The following WDHD1 variants were observed in gnomAD, a reference collection of about 807,000 sequenced individuals.
The protein encoded by WDHD1 is WD repeat and HMG-box DNA-binding protein 1.
Under a neutral mutation model 135.4 loss-of-function variants are expected in WDHD1, and 111 were observed. The ratio of observed to expected loss-of-function variants is 0.82; its 90% CI spans 0.70 to 0.96. The LOEUF (loss-of-function observed/expected upper bound fraction) is 0.96, where lower values mean the gene tolerates loss of function less well. WDHD1 is among the 40% of genes least tolerant of loss of function. The pLI is 0.00. For missense variants in WDHD1, 1,351 were observed against 1,336.3 expected (o/e 1.01, Z -0.17); for synonymous variants, 434 against 439.0 (o/e 0.99, Z 0.14).
At position 54,987,149 on chromosome 14, in the gene WDHD1, T is replaced by C. The variant is rs767078751; in HGVS notation, c.1765A>G (p.Arg589Gly). Residue 589 changes from arginine (R) to glycine (G), a missense_variant, in exon 14 of 26, where the codon AGA (arginine) becomes GGA (glycine). Coordinates refer to ENST00000360586, the MANE Select transcript of WDHD1 (RefSeq NM_007086.4). ...TAAAAGACTGAAAAAAATCTACCTC[T>C]GTGATAAACAATGAAAAGCTGTTCT... ...HGEQLFIVYHRGTGFDGDQCL... is the reference protein window; with the variant it reads ...HGEQLFIVYHGGTGFDGDQCL... 6.2e-7 allele frequency: 1 copy of C among 1,613,736 alleles called. No homozygotes were observed. Among genetic ancestry groups the C allele is most frequent in the Admixed American group, 1.7e-5 (1 of 59,952 alleles).
chr14:55,007,209 CAG>C, intron 7 of WDHD1, 69 bp downstream of exon 7: 1 of 1,186,558 alleles, frequency 8.4e-7, no homozygotes, highest in African/African-American at 1.7e-5. Context: ...GCATGGGAGA[CAG>C]AGTGAGACTC....
At chr14:54,953,282 AAAAC>A (rs1274559973) in intron 24 of WDHD1, among the ~76,000 whole-genome samples, 1 of 152,152 alleles carries the variant, frequency 6.6e-6, no homozygotes, top group Non-Finnish European at 1.5e-5. Context: ...TTACAAGAAA[AAAAC>A]AAACCCAATC....
rs568945303 is a variant in WDHD1 at position 55,024,176 on chromosome 14, A to G, written c.77+2535T>C. On this transcript the variant is annotated intron_variant, in intron 2 of 25. Transcript: ENST00000360586. Reference sequence around the variant, plus strand: ...CAAATTCATGTTAAGGGTCAATTGTATATTTCTATCTCTAGCTCACATTTT... The same window carrying G: ...CAAATTCATGTTAAGGGTCAATTGTGTATTTCTATCTCTAGCTCACATTTT... 6.6e-5 allele frequency among the ~76,000 whole-genome samples: 10 copies of G among 152,358 alleles called. No homozygotes were observed. In the East Asian group the frequency reaches 1.7e-3, roughly 26 times the overall value.
intron 23 of WDHD1, among the ~76,000 whole-genome samples, chr14:54,955,895 C>CTT (rs71131243): frequency 0.16 from 17,181 of 109,932 alleles, 1,746 homozygotes; most frequent in Non-Finnish European, 0.17. Flanking sequence ...CCATGTTTTC[C>CTT]TTTTTTTTTT....
rs1463330858 is a variant in WDHD1, at chr14:54,939,088, G to A, written c.*2402C>T. 1.3e-5 allele frequency: 2 copies of A among 152,130 alleles called. No homozygotes were observed. The highest frequency in any genetic ancestry group is 1.3e-4 in the Admixed American group (2 of 15,276). 9.4% of individuals were successfully genotyped at this position (152,130 alleles called of 1,614,324 possible). A position where few individuals can be genotyped will look rare whatever the true frequency, so the allele number is the denominator to read the frequency against. On this transcript the variant is annotated 3_prime_UTR_variant, in exon 26 of 26. Transcript: ENST00000360586. Reference sequence around the variant, plus strand: ...ATGTCAACAATAAGACAAACTAGAGGAAGGATATACAGGTGCTTACTGTCA... The same window carrying A: ...ATGTCAACAATAAGACAAACTAGAGAAAGGATATACAGGTGCTTACTGTCA...
At position 54,939,141 on chromosome 14, in the gene WDHD1, G is replaced by A. The variant is rs2040805000; in HGVS notation, c.*2349C>T. On this transcript the variant is annotated 3_prime_UTR_variant, in exon 26 of 26. Coordinates refer to ENST00000360586, the MANE Select transcript of WDHD1 (RefSeq NM_007086.4). ...TTTCAAATTTTCTGTAGGTTTGAGA[G>A]ATTCAAGATGAAAACTTGGGGGAAA... 1 of 152,166 alleles carries A rather than the reference G, an allele frequency of 6.6e-6. No homozygotes were observed. Among genetic ancestry groups the A allele is most frequent in the South Asian group, 2.1e-4 (1 of 4,830 alleles). 9.4% of individuals were successfully genotyped at this position (152,166 alleles called of 1,614,324 possible). A position where few individuals can be genotyped will look rare whatever the true frequency, so the allele number is the denominator to read the frequency against.
chr14:54,964,543 G>A (rs551634683), intron 18 of WDHD1, among the ~76,000 whole-genome samples: 1 of 152,142 alleles, frequency 6.6e-6, no homozygotes, highest in South Asian at 2.1e-4. Context: ...GGAGGCTGAG[G>A]CAGGAGAATG....
chr14:54,962,651 G>A (rs2041270717), intron 20 of WDHD1, 87 bp downstream of exon 20: 3 of 1,537,198 alleles, frequency 2.0e-6, no homozygotes, highest in East Asian at 4.5e-5. Flanking sequence ...AAAAGTATGA[G>A]TATTCAATTT....
intron 2 of WDHD1, among the ~76,000 whole-genome samples, chr14:55,026,213 T>TA (rs1161376018): frequency 1.3e-5 from 2 of 151,938 alleles, no homozygotes; most frequent in African/African-American, 4.8e-5. Flanking sequence ...AATCGAGCAG[T>TA]AGTGCGTAAG....
In WDHD1 at chr14:54,984,709, C is replaced by T. The variant is rs558126312; in HGVS notation, c.1906+14G>A. ...TTATATTATACTTGTTTTTTTTAAA[C>T]AAATTTATCTTGCCTTCAGCTGAAA... On this transcript the variant is annotated intron_variant, in intron 15 of 25. Transcript: ENST00000360586. The T allele has an allele frequency of 2.5e-6, 4 of 1,584,336 alleles. No homozygotes were observed. The East Asian group carries it at 6.7e-5, about 27-fold the overall frequency.
At chr14:55,024,364 TG>T (rs1334438003) in intron 2 of WDHD1, among the ~76,000 whole-genome samples, 3 of 152,240 alleles carry the variant, frequency 2.0e-5, no homozygotes, top group African/African-American at 7.2e-5. Context: ...TATTTGCAAG[TG>T]GAAGCATCAC....
At chr14:54,944,043 G>C (rs1214351300) in intron 25 of WDHD1, among the ~76,000 whole-genome samples, 2 of 151,548 alleles carry the variant, frequency 1.3e-5, no homozygotes, top group Admixed American at 6.6e-5. Flanking sequence ...TCTTTAAAAA[G>C]TTTGGTGGAT....
At chr14:54,961,271 T>C (rs1055622624) in intron 21 of WDHD1, among the ~76,000 whole-genome samples, 1 of 151,960 alleles carries the variant, frequency 6.6e-6, no homozygotes, top group African/African-American at 2.4e-5. Context: ...GTGAGGAAAT[T>C]GCTTGAGTTT....
intron 25 of WDHD1, among the ~76,000 whole-genome samples, chr14:54,942,443 C>A (rs1391902233): frequency 6.6e-6 from 1 of 152,028 alleles, no homozygotes; most frequent in Non-Finnish European, 1.5e-5. Flanking sequence ...GACATTGAAA[C>A]AATCCCATTT....
chr14:54,966,355 C>T, intron 18 of WDHD1, 120 bp downstream of exon 18: 1 of 1,195,026 alleles, frequency 8.4e-7, no homozygotes, highest in East Asian at 2.9e-5. Flanking sequence ...ACAACAACAA[C>T]AAAAAAAAAC....
chr14:54,967,417 T>A, intron 16 of WDHD1, 23 bp from the exon 17 acceptor site: 11 of 1,551,700 alleles, frequency 7.1e-6, no homozygotes, highest in Non-Finnish European at 9.6e-6. Context: ...AAAAGTTCCA[T>A]CATAAAAATT....
rs1358891011 is a variant in WDHD1, at chr14:54,963,161, T to A, written c.2322A>T (p.Lys774Asn). 1 of 688,486 alleles carries A rather than the reference T, an allele frequency of 1.5e-6. No individual in the cohort carries two copies. The highest frequency in any genetic ancestry group is 2.2e-6 in the Non-Finnish European group (1 of 448,246). The allele number at this position is 688,486 out of a possible 1,614,324, so 42.6% of individuals were successfully genotyped here. Residue 774 changes from lysine to asparagine, a missense_variant, in exon 19 of 26, where the codon AAA (lysine) becomes AAT (asparagine). Transcript: ENST00000360586. ...CCACACAACGGAATTCTCGCTCCAG[T>A]TTACAAGAAAGCTAATCCAAAAAGG... ...LLMKMLALSC[K>N]LEREFRCVEL...
At chr14:54,947,560 T>C (rs1009335972) in intron 24 of WDHD1, among the ~76,000 whole-genome samples, 3 of 152,148 alleles carry the variant, frequency 2.0e-5, no homozygotes, top group Non-Finnish European at 2.9e-5. Context: ...AAATGAGATA[T>C]ATTATGGTAA....
At chr14:54,992,926 T>C (rs1016751824) in intron 11 of WDHD1, among the ~76,000 whole-genome samples, 3 of 151,628 alleles carry the variant, frequency 2.0e-5, no homozygotes, top group African/African-American at 7.3e-5. Context: ...AAACAAAAAT[T>C]AATTAATTAA....
Sources: gnomAD v4.1 joint callset for allele counts (sites outside exome capture counted in the v4.1 genomes callset) on GRCh38, gnomAD v4.1.1 for gene constraint, MANE v1.5 for transcripts, NCBI Gene and HGNC (gene_info 2026-07-23, HGNC 2026-07-21) for gene names.